The following LRMDA variants were observed in gnomAD, a reference collection of about 807,000 sequenced individuals.
LRMDA encodes the protein leucine-rich melanocyte differentiation-associated protein.
LRMDA carries 18 observed loss-of-function variants against 29.8 expected under a neutral mutation model. That is an observed-to-expected ratio of 0.60 (90% CI 0.42 to 0.90). The LOEUF (loss-of-function observed/expected upper bound fraction) is 0.90, where lower values mean the gene tolerates loss of function less well. Ranked by LOEUF, LRMDA falls within the 40% of genes least tolerant of loss-of-function variation. The pLI is 0.00. For missense variants in LRMDA, 273 were observed against 273.9 expected, an observed-to-expected ratio of 1.00 and a Z score of 0.02; for synonymous variants, 125 against 109.4, an observed-to-expected ratio of 1.14 and a Z score of -0.89.
intron 2 of LRMDA, among the ~76,000 whole-genome samples, chr10:75,990,618 C>A (rs144112554): frequency 5.3e-4 from 80 of 152,244 alleles, no homozygotes; most frequent in African/African-American, 1.8e-3. Flanking sequence ...GCTCTGGATG[C>A]CATTGGAATG....
chr10:76,146,873 C>T (rs1366386632), intron 5 of LRMDA, among the ~76,000 whole-genome samples: 1 of 152,152 alleles, frequency 6.6e-6, no homozygotes, highest in Non-Finnish European at 1.5e-5. Context: ...TCATTTAGGG[C>T]AGGCCTGCTG....
At chr10:75,594,890 C>G (rs1840767041) in intron 2 of LRMDA, among the ~76,000 whole-genome samples, 1 of 152,102 alleles carries the variant, frequency 6.6e-6, no homozygotes, top group African/African-American at 2.4e-5. Context: ...GTGAGACTCC[C>G]TGTTTTTTCC....
intron 5 of LRMDA, among the ~76,000 whole-genome samples, chr10:76,245,627 A>C (rs967471628): frequency 1.3e-5 from 2 of 152,232 alleles, no homozygotes; most frequent in African/African-American, 4.8e-5. Context: ...ATACATTATA[A>C]ACCTGAGGCT....
intron 5 of LRMDA, among the ~76,000 whole-genome samples, chr10:76,169,274 C>T (rs988141571): frequency 1.3e-5 from 2 of 152,146 alleles, no homozygotes; most frequent in Non-Finnish European, 2.9e-5. Context: ...TAATTCAGCT[C>T]AAGGGAATAT....
chr10:75,503,837 C>T (rs1845142208), intron 2 of LRMDA, among the ~76,000 whole-genome samples: 1 of 151,898 alleles, frequency 6.6e-6, no homozygotes, highest in Admixed American at 6.6e-5. Flanking sequence ...GATATTTATT[C>T]CATATTCAGT....
At chr10:75,676,749 A>G (rs1242603513) in intron 2 of LRMDA, among the ~76,000 whole-genome samples, 2 of 152,128 alleles carry the variant, frequency 1.3e-5, no homozygotes, top group East Asian at 3.9e-4. Context: ...GTGATTTTCT[A>G]TGCTTCCATC....
chr10:76,291,013 G>T (rs529408279), intron 5 of LRMDA, among the ~76,000 whole-genome samples: 1 of 152,294 alleles, frequency 6.6e-6, no homozygotes, highest in South Asian at 2.1e-4. Flanking sequence ...TGACACTTTA[G>T]ATGATGGTTT....
chr10:75,627,959 G>T (rs1205840986), intron 2 of LRMDA, among the ~76,000 whole-genome samples: 1 of 152,192 alleles, frequency 6.6e-6, no homozygotes, highest in African/African-American at 2.4e-5. Context: ...AGTGGGCAGG[G>T]ATCCTGTCTG....
intron 2 of LRMDA, among the ~76,000 whole-genome samples, chr10:75,482,262 C>G (rs1844863152): frequency 6.6e-6 from 1 of 152,148 alleles, no homozygotes; most frequent in Non-Finnish European, 1.5e-5. Context: ...GAGCTTCTGC[C>G]ATTGCCTGCT....
Position 75,796,676 on chromosome 10 carries a change from G to A in LRMDA, c.132-239332G>A, listed in dbSNP as rs778849469. On this transcript the variant is annotated intron_variant, in intron 2 of 6. Transcript: ENST00000611255. ...CAACCTCTGCCTCCCGGGTTCAAGC[G>A]ATTCTCCTGCCTCAGCCTCCCAGTT... 1.7e-4 allele frequency among the ~76,000 whole-genome samples: 26 copies of A among 152,254 alleles called. No individual in the cohort carries two copies. The East Asian group carries it at 2.3e-3, about 14-fold the overall frequency.
intron 2 of LRMDA, among the ~76,000 whole-genome samples, chr10:76,012,180 G>A (rs1283956948): frequency 2.0e-5 from 3 of 152,182 alleles, no homozygotes; most frequent in East Asian, 1.9e-4. Flanking sequence ...TCTGTTTACC[G>A]GTTGTTCAAG....
chr10:76,378,324 C>A (rs1271992821), intron 6 of LRMDA, among the ~76,000 whole-genome samples: 1 of 150,898 alleles, frequency 6.6e-6, no homozygotes, highest in South Asian at 2.2e-4. Context: ...ATCATATCAT[C>A]AGAAAACAGA....
intron 2 of LRMDA, among the ~76,000 whole-genome samples, chr10:75,789,554 C>A (rs1219690375): frequency 6.6e-6 from 1 of 152,092 alleles, no homozygotes; most frequent in Non-Finnish European, 1.5e-5. Context: ...CAGAGTAAAC[C>A]AGGAATGTCT....
chr10:76,235,457 G>C (rs1429383981), intron 5 of LRMDA, among the ~76,000 whole-genome samples: 1 of 152,082 alleles, frequency 6.6e-6, no homozygotes, highest in African/African-American at 2.4e-5. Flanking sequence ...CTAGATGCAG[G>C]GTTGCCACAA....
intron 2 of LRMDA, among the ~76,000 whole-genome samples, chr10:75,681,444 G>T (rs1353465387): frequency 1.3e-5 from 2 of 152,210 alleles, no homozygotes; most frequent in Non-Finnish European, 2.9e-5. Context: ...GTTGACGGTG[G>T]TTTGGCTCAT....
At chr10:76,290,291 A>T (rs1326563262) in intron 5 of LRMDA, among the ~76,000 whole-genome samples, 1 of 152,108 alleles carries the variant, frequency 6.6e-6, no homozygotes, top group African/African-American at 2.4e-5. Context: ...TCTGAAAGGA[A>T]TTTATTTCCT....
At chr10:76,004,200 G>A (rs1354013391) in intron 2 of LRMDA, among the ~76,000 whole-genome samples, 1 of 152,030 alleles carries the variant, frequency 6.6e-6, no homozygotes, top group Non-Finnish European at 1.5e-5. Flanking sequence ...AAATATATAG[G>A]CATTTACACC....
chr10:75,821,245 C>T (rs370626325), intron 2 of LRMDA, among the ~76,000 whole-genome samples: 1 of 152,094 alleles, frequency 6.6e-6, no homozygotes, highest in Non-Finnish European at 1.5e-5. Flanking sequence ...CCCAGAAGAA[C>T]ACAGATGCAA....
At chr10:75,822,770 A>C (rs1485414861) in intron 2 of LRMDA, among the ~76,000 whole-genome samples, 2 of 152,116 alleles carry the variant, frequency 1.3e-5, no homozygotes, top group African/African-American at 2.4e-5. Flanking sequence ...CTTTCACCCA[A>C]AGCTGGAGTG....
Sources: gnomAD v4.1 joint callset for allele counts (sites outside exome capture counted in the v4.1 genomes callset) on GRCh38, gnomAD v4.1.1 for gene constraint, MANE v1.5 for transcripts, NCBI Gene and HGNC (gene_info 2026-07-23, HGNC 2026-07-21) for gene names.